Variants in SMIM31 observed in about 807,000 individuals in gnomAD.
SMIM31 encodes small integral membrane protein 31.
chr4:164,771,629 G>C lies in SMIM31; in HGVS notation c.112+1074G>C, dbSNP rs1317953340. On this transcript the variant is annotated intron_variant, in intron 2 of 2. Coordinates refer to ENST00000507311, the MANE Select transcript of SMIM31 (RefSeq NM_001352885.1). ...ATCCTGGCTAACACAGTGAAACCCC[G>C]TCTCTACTAAAAATACAAAAAAAAA... 2.0e-5 allele frequency among the ~76,000 whole-genome samples: 3 copies of C among 150,932 alleles called. No individual in the cohort carries two copies. In the East Asian group the frequency reaches 5.9e-4, roughly 30 times the overall value.
intron 2 of SMIM31, among the ~76,000 whole-genome samples, chr4:164,775,847 CCTCACCTACAACACAT>C (rs1560827374): frequency 6.6e-6 from 1 of 152,158 alleles, no homozygotes; most frequent in African/African-American, 2.4e-5. Context: ...AGATCTGCTC[CCTCACCTACAACACAT>C]TTACCCATGT....
In SMIM31 at chr4:164,802,983, C is replaced by T. The variant is rs1422059021; in HGVS notation, c.*1789C>T. On this transcript the variant is annotated 3_prime_UTR_variant, in exon 3 of 3. Coordinates refer to ENST00000507311, the MANE Select transcript of SMIM31 (RefSeq NM_001352885.1). ...TAATTTCTCTGAGCCTTGGTGTTCTCTCTGAAAAAATGAGCATTTTAAAAA... is the reference window on the plus strand; with the variant it reads ...TAATTTCTCTGAGCCTTGGTGTTCTTTCTGAAAAAATGAGCATTTTAAAAA... 1 of 152,088 alleles carries T rather than the reference C, an allele frequency of 6.6e-6. No individual in the cohort carries two copies. The highest frequency in any genetic ancestry group is 1.5e-5 in the Non-Finnish European group (1 of 68,048). The allele number at this position is 152,088 out of a possible 1,614,324, so 9.4% of individuals were successfully genotyped here.
Position 164,778,432 on chromosome 4 carries a change from T to C in SMIM31, c.112+7877T>C, listed in dbSNP as rs188806133. Among the ~76,000 whole-genome samples, 25 of 152,302 alleles carry C rather than the reference T, an allele frequency of 1.6e-4. No individual in the cohort carries two copies. In the East Asian group the frequency reaches 4.8e-3, roughly 29 times the overall value. ...CACCTCTAATAATATACAAAATGAT[T>C]TGATAGTACCAGCACACATTTAGGG... On this transcript the variant is annotated intron_variant, in intron 2 of 2. Transcript: ENST00000507311.
At chr4:164,777,934 G>A (rs1216752863) in intron 2 of SMIM31, among the ~76,000 whole-genome samples, 6 of 152,198 alleles carry the variant, frequency 3.9e-5, no homozygotes, top group Non-Finnish European at 8.8e-5. Flanking sequence ...GTGTCAATGT[G>A]GCCAAAGGCC....
At chr4:164,767,592 C>G (rs1732736133) in intron 1 of SMIM31, among the ~76,000 whole-genome samples, 1 of 152,210 alleles carries the variant, frequency 6.6e-6, no homozygotes, top group Non-Finnish European at 1.5e-5. Flanking sequence ...GTACAACCAA[C>G]TGTTCTTCAG....
chr4:164,780,637 CTGTG>C (rs1732937845), intron 2 of SMIM31, among the ~76,000 whole-genome samples: 2 of 152,174 alleles, frequency 1.3e-5, no homozygotes, highest in Admixed American at 1.3e-4. Flanking sequence ...GCATTAATAA[CTGTG>C]TGTATTATCA....
At chr4:164,768,014 C>A (rs12503584) in intron 1 of SMIM31, among the ~76,000 whole-genome samples, 70,324 of 151,382 alleles carry the variant, frequency 0.46, 17,229 homozygotes, top group Admixed American at 0.55. Flanking sequence ...TGGGTGATTG[C>A]TTGAACCCAG....
chr4:164,797,581 A>G (rs1017245827), intron 2 of SMIM31, among the ~76,000 whole-genome samples: 63 of 150,240 alleles, frequency 4.2e-4, no homozygotes, highest in African/African-American at 1.4e-3. Context: ...CTCCTGCCTC[A>G]GCCTCCTGAG....
chr4:164,799,811 A>G (rs1455735496), intron 2 of SMIM31, among the ~76,000 whole-genome samples: 3 of 152,242 alleles, frequency 2.0e-5, no homozygotes. Context: ...TTTAAAACAC[A>G]GTCTGAAGCA....
rs1396544288 is a variant in SMIM31, at chr4:164,802,606, A to ATAC, written c.*1412_*1413insTAC. On this transcript the variant is annotated 3_prime_UTR_variant, in exon 3 of 3. Transcript: ENST00000507311. ...TGGCAGCATTATCGTGGCAGGAAGG[A>ATAC]ATCCACAATACAACCAAAGATACCT... is the stretch of plus-strand genomic sequence containing the variant. The ATAC allele has an allele frequency of 6.6e-6, 1 of 152,240 alleles. No homozygotes were observed. The highest frequency in any genetic ancestry group is 2.4e-5 in the African/African-American group (1 of 41,466). 9.4% of individuals were successfully genotyped at this position (152,240 alleles called of 1,614,324 possible). A position where few individuals can be genotyped will look rare whatever the true frequency, so the allele number is the denominator to read the frequency against.
intron 2 of SMIM31, chr4:164,787,495 CCTT>C (rs1733040206): frequency 6.7e-6 from 1 of 149,156 alleles, no homozygotes; most frequent in Admixed American, 6.7e-5. Context: ...TCCTTTTTTT[CCTT>C]CTTTTCTCTA....
rs923288995 is a variant in SMIM31 at position 164,802,274 on chromosome 4, C to G, written c.*1080C>G. The G allele has an allele frequency of 1.3e-5, 2 of 152,216 alleles. No homozygotes were observed. The highest frequency in any genetic ancestry group is 4.8e-5 in the African/African-American group (2 of 41,374). The allele number at this position is 152,216 out of a possible 1,614,324, so 9.4% of individuals were successfully genotyped here. ...AGAGAGAGAGAGGGTCTCGCTTTGT[C>G]ACCGAGGCTGGAGTGCAGTGGTGTA... On this transcript the variant is annotated 3_prime_UTR_variant, in exon 3 of 3. Transcript: ENST00000507311.
intron 2 of SMIM31, among the ~76,000 whole-genome samples, chr4:164,778,744 AG>A (rs1267012797): frequency 6.6e-6 from 1 of 152,152 alleles, no homozygotes; most frequent in Non-Finnish European, 1.5e-5. Context: ...ATCATGGCTC[AG>A]GTTCTCCATC....
At chr4:164,798,264 C>T (rs537974045) in intron 2 of SMIM31, among the ~76,000 whole-genome samples, 13 of 149,484 alleles carry the variant, frequency 8.7e-5, no homozygotes, top group South Asian at 8.4e-4. Flanking sequence ...GACGGAGTCT[C>T]GCTCTGTCGC....
At chr4:164,755,564 G>GGGAGA in intron 1 of SMIM31, among the ~76,000 whole-genome samples, 1 of 58,544 alleles carries the variant, frequency 1.7e-5, no homozygotes, top group Admixed American at 1.6e-4. Flanking sequence ...GGGAGGGGAG[G>GGGAGA]GGAGGGGAGG....
intron 2 of SMIM31, among the ~76,000 whole-genome samples, chr4:164,788,306 C>G (rs886804593): frequency 1.3e-5 from 2 of 151,824 alleles, no homozygotes; most frequent in Admixed American, 6.6e-5. Context: ...CTTTGTTGTC[C>G]TGTTGTCCTG....
At chr4:164,764,483 C>T (rs1433364733) in intron 1 of SMIM31, among the ~76,000 whole-genome samples, 1 of 151,652 alleles carries the variant, frequency 6.6e-6, no homozygotes, top group East Asian at 1.9e-4. Flanking sequence ...AGGAGAATTG[C>T]TCGAACCTGG....
intron 2 of SMIM31, among the ~76,000 whole-genome samples, chr4:164,773,136 A>C (rs1035409652): frequency 2.0e-5 from 3 of 152,008 alleles, no homozygotes; most frequent in Non-Finnish European, 4.4e-5. Flanking sequence ...ATTTTTAATA[A>C]GTAGATAAGG....
At chr4:164,793,254 G>A (rs1308617348) in intron 2 of SMIM31, among the ~76,000 whole-genome samples, 1 of 152,172 alleles carries the variant, frequency 6.6e-6, no homozygotes, top group Non-Finnish European at 1.5e-5. Context: ...TAATTATTGA[G>A]CACGAGGCTC....
Sources: gnomAD v4.1 joint callset for allele counts (sites outside exome capture counted in the v4.1 genomes callset) on GRCh38, gnomAD v4.1.1 for gene constraint, MANE v1.5 for transcripts, NCBI Gene and HGNC (gene_info 2026-07-23, HGNC 2026-07-21) for gene names.